PKIA: variants seen among roughly 807,000 people sequenced by gnomAD.
PKIA encodes the protein PKI-alpha.
A neutral mutation model predicts 7.6 loss-of-function variants in PKIA; 4 were observed. That is an observed-to-expected ratio of 0.52 (90% CI 0.26 to 1.20). The LOEUF is 1.20. Ranked by LOEUF, PKIA falls within the 50% of genes most tolerant of loss-of-function variation. The pLI, the probability that PKIA is intolerant of heterozygous loss-of-function variation, is 0.13. For synonymous variants in PKIA, 21 were observed against 30.7 expected (o/e 0.68, Z 1.04); for missense variants, 73 against 86.2 (o/e 0.85, Z 0.61).
chr8:78,554,832 T>G (rs1399467417), intron 1 of PKIA, among the ~76,000 whole-genome samples: 1 of 152,086 alleles, frequency 6.6e-6, no homozygotes, highest in African/African-American at 2.4e-5. Context: ...CAGTAGTAAA[T>G]GTTACATTCT....
intron 2 of PKIA, among the ~76,000 whole-genome samples, chr8:78,588,112 T>C (rs950868672): frequency 6.6e-6 from 1 of 152,170 alleles, no homozygotes; most frequent in Non-Finnish European, 1.5e-5. Context: ...AAGACAGAAT[T>C]AAATCAACAC....
intron 2 of PKIA, among the ~76,000 whole-genome samples, chr8:78,580,908 G>T (rs917765042): frequency 6.6e-6 from 1 of 151,986 alleles, no homozygotes; most frequent in African/African-American, 2.4e-5. Flanking sequence ...TAGATGTAAG[G>T]TATATATGTG....
intron 3 of PKIA, among the ~76,000 whole-genome samples, chr8:78,600,652 C>G (rs568571721): frequency 1.3e-5 from 2 of 152,168 alleles, no homozygotes; most frequent in East Asian, 1.9e-4. Flanking sequence ...ATCATGCGAG[C>G]CTCTCACAAT....
intron 2 of PKIA, among the ~76,000 whole-genome samples, chr8:78,596,587 T>C (rs1226018944): frequency 6.6e-6 from 1 of 152,192 alleles, no homozygotes. Context: ...AGATGCATAA[T>C]TTGAGACTAT....
At chr8:78,597,374 C>T (rs1035780358) in intron 2 of PKIA, among the ~76,000 whole-genome samples, 3 of 152,102 alleles carry the variant, frequency 2.0e-5, no homozygotes, top group Non-Finnish European at 2.9e-5. Flanking sequence ...TGTTACTCCT[C>T]TCAAGTAATG....
chr8:78,597,934 C>T (rs961358692), intron 2 of PKIA, among the ~76,000 whole-genome samples: 1 of 151,774 alleles, frequency 6.6e-6, no homozygotes, highest in Non-Finnish European at 1.5e-5. Flanking sequence ...GGCCATTATC[C>T]TAAGTAAATT....
At chr8:78,552,774 C>T (rs1807016778) in intron 1 of PKIA, among the ~76,000 whole-genome samples, 1 of 151,876 alleles carries the variant, frequency 6.6e-6, no homozygotes, top group Non-Finnish European at 1.5e-5. Flanking sequence ...AGTGTCTTTC[C>T]ATAGAATAAA....
chr8:78,540,033 G>A (rs1585879122), intron 1 of PKIA, among the ~76,000 whole-genome samples: 1 of 151,610 alleles, frequency 6.6e-6, no homozygotes, highest in South Asian at 2.1e-4. Flanking sequence ...GAGGAGTGTG[G>A]CAAGTTCATT....
chr8:78,589,142 T>C (rs1808032000), intron 2 of PKIA, among the ~76,000 whole-genome samples: 1 of 152,130 alleles, frequency 6.6e-6, no homozygotes, highest in African/African-American at 2.4e-5. Context: ...AATAAAGAGA[T>C]GGATGACCTT....
chr8:78,520,298 A>C (rs527603828), intron 1 of PKIA, among the ~76,000 whole-genome samples: 65 of 152,306 alleles, frequency 4.3e-4, no homozygotes, highest in African/African-American at 1.3e-3. Flanking sequence ...TAATCTACAA[A>C]AGGTATTATG....
chr8:78,585,444 C>T (rs1036285951), intron 2 of PKIA, among the ~76,000 whole-genome samples: 3 of 152,020 alleles, frequency 2.0e-5, no homozygotes, highest in Non-Finnish European at 4.4e-5. Flanking sequence ...GAGTATTACA[C>T]ATTGTACTGA....
intron 2 of PKIA, among the ~76,000 whole-genome samples, chr8:78,574,447 G>A (rs1807628115): frequency 6.6e-6 from 1 of 151,946 alleles, no homozygotes; most frequent in Admixed American, 6.6e-5. Flanking sequence ...TAGTACAGCT[G>A]CAGCAGCTAT....
intron 2 of PKIA, among the ~76,000 whole-genome samples, chr8:78,588,918 A>G (rs890339451): frequency 2.0e-5 from 3 of 152,048 alleles, no homozygotes; most frequent in Non-Finnish European, 2.9e-5. Context: ...AAGGAAAAAA[A>G]AAAAGAAAAG....
intron 1 of PKIA, among the ~76,000 whole-genome samples, chr8:78,568,260 C>T (rs569986688): frequency 6.6e-6 from 1 of 152,310 alleles, no homozygotes; most frequent in Non-Finnish European, 1.5e-5. Flanking sequence ...CCTCATGAAT[C>T]AGTCTAGCCT....
At chr8:78,562,240 G>C (rs1377699085) in intron 1 of PKIA, among the ~76,000 whole-genome samples, 1 of 152,100 alleles carries the variant, frequency 6.6e-6, no homozygotes, top group Non-Finnish European at 1.5e-5. Flanking sequence ...ATATAGTCTA[G>C]TTGGGACTAA....
Position 78,601,774 on chromosome 8 carries a change from G to C in PKIA, c.184G>C (p.Glu62Gln). 6.2e-7 allele frequency: 1 copy of C among 1,612,398 alleles called. No individual in the cohort carries two copies. The highest frequency in any genetic ancestry group is 8.5e-7 in the Non-Finnish European group (1 of 1,178,954). The part of the protein sequence containing the change: ...GEEDAQRSST[E>Q]QSGEAQGEAA... ...AGAAGATGCACAACGAAGTTCTACA[G>C]AACAAAGTGGGGAAGCCCAGGGAGA... The change falls in exon 4 of 4, where the codon GAA becomes CAA. Residue 62 changes from glutamate (E) to glutamine (Q), a missense_variant. Coordinates refer to ENST00000396418, the MANE Select transcript of PKIA (RefSeq NM_006823.4).
rs577968201 is a variant in PKIA at position 78,575,419 on chromosome 8, C to T, written c.-28+2480C>T. On this transcript the variant is annotated intron_variant, in intron 2 of 3. Transcript: ENST00000396418. ...CTGTGTTTGCTTTTTTTTCACTCAA[C>T]ATTATTATGTTTCTAAGATATCTAT... 6.6e-5 allele frequency among the ~76,000 whole-genome samples: 10 copies of T among 151,700 alleles called. No individual in the cohort carries two copies. In the South Asian group the frequency reaches 2.1e-3, roughly 32 times the overall value.
chr8:78,520,047 G>C (rs187565296), intron 1 of PKIA, among the ~76,000 whole-genome samples: 58 of 152,118 alleles, frequency 3.8e-4, no homozygotes, highest in Admixed American at 3.3e-3. Context: ...TTGAAAGCAG[G>C]GTCTGGGAAT....
chr8:78,581,820 G>A (rs148394985), intron 2 of PKIA, among the ~76,000 whole-genome samples: 58 of 152,152 alleles, frequency 3.8e-4, no homozygotes, highest in African/African-American at 1.2e-3. Flanking sequence ...GAAGTCTGAG[G>A]ATTAGACAGT....
Sources: gnomAD v4.1 joint callset for allele counts (sites outside exome capture counted in the v4.1 genomes callset) on GRCh38, gnomAD v4.1.1 for gene constraint, MANE v1.5 for transcripts, NCBI Gene and HGNC (gene_info 2026-07-23, HGNC 2026-07-21) for gene names.